SON: variants seen among roughly 807,000 people sequenced by gnomAD.
SON encodes SON DNA and RNA binding protein, also known as protein SON.
A neutral mutation model predicts 173.3 loss-of-function variants in SON; 4 were observed. The ratio of observed to expected loss-of-function variants is 0.02; its 90% confidence interval spans 0.01 to 0.05. SON has a LOEUF of 0.05. Ranked by LOEUF, SON falls within the 10% of genes least tolerant of loss-of-function variation. The pLI is 1.00. For synonymous variants in SON, 1,190 were observed against 1,105.9 expected, an observed-to-expected ratio of 1.08 and a Z score of -1.51; for missense variants, 2,626 against 3,055.3, an observed-to-expected ratio of 0.86 and a Z score of 3.31.
At chr21:33,547,527 A>T (rs1459441448) in intron 2 of SON, among the ~76,000 whole-genome samples, 1 of 151,650 alleles carries the variant, frequency 6.6e-6, no homozygotes, top group Admixed American at 6.6e-5. Context: ...TTTTGGGGGG[A>T]ACTTTAGCTG....
chr21:33,560,011 T>A (rs368311406), intron 6 of SON: 13 of 1,614,068 alleles, frequency 8.1e-6, no homozygotes, highest in Non-Finnish European at 1.1e-5. Flanking sequence ...CAGAGAACAG[T>A]GTTATCACAT....
intron 9 of SON, among the ~76,000 whole-genome samples, chr21:33,575,191 A>G (rs879691326): frequency 6.6e-6 from 1 of 151,792 alleles, no homozygotes; most frequent in African/African-American, 2.4e-5. Context: ...GCGCACCACC[A>G]CGCCCGGCTA....
chr21:33,576,238 T>C (rs2086397624), intron 11 of SON, 127 bp from the exon 12 acceptor site: 2 of 649,846 alleles, frequency 3.1e-6, no homozygotes, highest in African/African-American at 3.7e-5. Flanking sequence ...GTTGAGATTA[T>C]AATTTGACTT....
At chr21:33,571,727 C>T (rs558221357) in intron 8 of SON, 1 of 152,686 alleles carries the variant, frequency 6.5e-6, no homozygotes, top group Admixed American at 6.5e-5. Context: ...ATATTGTACT[C>T]TGCACAGTTG....
At position 33,543,182 on chromosome 21, in the gene SON, C is replaced by A; in HGVS notation, c.77+13C>A. 6.2e-7 allele frequency: 1 copy of A among 1,608,814 alleles called. No individual in the cohort carries two copies. Among genetic ancestry groups the A allele is most frequent in the Non-Finnish European group, 8.5e-7 (1 of 1,175,108 alleles). On this transcript the variant is annotated intron_variant, in intron 1 of 11. Transcript: ENST00000356577. ...AGGAGCTTTCCAGGTAAACGCCTCC[C>A]AGATTCTTCTGCTCCCAACGGACCG...
In SON at chr21:33,559,214, GT is replaced by G; in HGVS notation, c.6322-11del. The stretch of plus-strand genomic sequence containing the variant: ...AAAGCGTAAGATTTATCTTTTGTTT[GT>G]TTTTACTTTTAAAGAAATGTAAACA... On this transcript the variant is annotated splice_polypyrimidine_tract_variant and intron_variant, in intron 4 of 11. Transcript: ENST00000356577. This position sits in a 1 kb window ranked among gnomAD's most constrained non-coding sequence, Gnocchi z 4.1. 1 of 1,521,404 alleles carries G rather than the reference GT, an allele frequency of 6.6e-7. No homozygotes were observed. The highest frequency in any genetic ancestry group is 8.8e-7 in the Non-Finnish European group (1 of 1,133,566). The allele number at this position is 1,521,404 out of a possible 1,614,324, so 94.2% of individuals were successfully genotyped here.
At chr21:33,563,068 A>C (rs1467095904) in intron 6 of SON, among the ~76,000 whole-genome samples, 3 of 152,144 alleles carry the variant, frequency 2.0e-5, no homozygotes, top group Non-Finnish European at 2.9e-5. Context: ...ATAAGCTCTA[A>C]ATGTATAGGA....
Position 33,546,337 on chromosome 21 carries a change from G to A in SON, c.202G>A (p.Val68Ile). The change falls in exon 2 of 12, where the codon GTA becomes ATA. Residue 68 changes from valine (V) to isoleucine (I), a missense_variant. Coordinates refer to ENST00000356577, the MANE Select transcript of SON (RefSeq NM_138927.4). Reference sequence around the variant, plus strand: ...AGAAATAGTGCAGAAGATAGAGGAAGTACTTTCTGGGGTCTTAGATACAGA... The same window carrying A: ...AGAAATAGTGCAGAAGATAGAGGAAATACTTTCTGGGGTCTTAGATACAGA... ...NEEIVQKIEE[V>I]LSGVLDTELR... The A allele has an allele frequency of 6.2e-7, 1 of 1,612,842 alleles. No homozygotes were observed. Among genetic ancestry groups the A allele is most frequent in the Non-Finnish European group, 8.5e-7 (1 of 1,179,484 alleles).
chr21:33,568,688 CTT>C (rs1234804374), intron 7 of SON, among the ~76,000 whole-genome samples: 1 of 152,058 alleles, frequency 6.6e-6, no homozygotes, highest in African/African-American at 2.4e-5. Context: ...CATATGAGCT[CTT>C]TTTTGCATTT....
intron 8 of SON, among the ~76,000 whole-genome samples, chr21:33,571,204 T>C (rs1045223426): frequency 6.6e-5 from 10 of 152,178 alleles, no homozygotes; most frequent in African/African-American, 2.2e-4. Flanking sequence ...TGAAGAATAT[T>C]TGATGCTAGT....
intron 9 of SON, chr21:33,575,379 A>C: frequency 2.4e-6 from 1 of 424,424 alleles, no homozygotes; most frequent in Non-Finnish European, 4.2e-6. Flanking sequence ...TATTTATTAC[A>C]ATTTCTCATA....
chr21:33,564,201 G>C (rs1365863608), intron 6 of SON, among the ~76,000 whole-genome samples: 1 of 152,004 alleles, frequency 6.6e-6, no homozygotes, highest in African/African-American at 2.4e-5. Context: ...AATATTAAAC[G>C]ACAGTTAAGA....
rs1601259148 is a variant in SON, at chr21:33,550,374, G to A, written c.1143G>A (p.Met381Ile). ...ELQESSVASA[M>I]ELPGPPATSM... is the part of the protein sequence containing the mutation. The stretch of plus-strand genomic sequence containing the variant: ...AGGAGTCGTCGGTGGCCTCAGCGAT[G>A]GAGTTGCCGGGGCCACCTGCGACCT... The change falls in exon 3 of 12, where the codon ATG becomes ATA. Residue 381 changes from methionine (M) to isoleucine (I), a missense_variant. Met to Ile is a conservative substitution (Grantham distance 10). Around this residue, in one of 13 missense-constraint regions of SON, gnomAD observed 757 missense variants for 730.1 expected, o/e 1.04. Transcript: ENST00000356577. 8 of 1,614,000 alleles carry A rather than the reference G, an allele frequency of 5.0e-6. No individual in the cohort carries two copies. The East Asian group carries it at 1.3e-4, about 27-fold the overall frequency.
Position 33,554,371 on chromosome 21 carries a change from G to A in SON, c.5140G>A (p.Glu1714Lys). 6.2e-7 allele frequency: 1 copy of A among 1,614,168 alleles called. No individual in the cohort carries two copies. The highest frequency in any genetic ancestry group is 2.2e-5 in the East Asian group (1 of 44,880). ...GEKEVPPPPK[E>K]TLPDSGFSAN... ...AAAAGAAGTACCTCCCCCTCCTAAAGAGACACTGCCTGATTCAGGATTTTC... is the reference window on the plus strand; with the variant it reads ...AAAAGAAGTACCTCCCCCTCCTAAAAAGACACTGCCTGATTCAGGATTTTC... Residue 1714 changes from glutamate to lysine, a missense_variant, in exon 3 of 12, where the codon GAG becomes AAG. By Grantham distance (56) the Glu-to-Lys change is moderately conservative. Transcript: ENST00000356577.
intron 2 of SON, among the ~76,000 whole-genome samples, chr21:33,548,713 G>A (rs2085681720): frequency 6.6e-6 from 1 of 152,332 alleles, no homozygotes; most frequent in Non-Finnish European, 1.5e-5. Context: ...GTGGCAGTCT[G>A]TTCCAGAGCC....
Position 33,553,060 on chromosome 21 carries a change from C to A in SON, c.3829C>A (p.Pro1277Thr). 1 of 1,613,062 alleles carries A rather than the reference C, an allele frequency of 6.2e-7. No individual in the cohort carries two copies. Among genetic ancestry groups the A allele is most frequent in the Non-Finnish European group, 8.5e-7 (1 of 1,179,082 alleles). The change falls in exon 3 of 12, where the codon CCA becomes ACA. Residue 1277 changes from proline (P) to threonine (T), a missense_variant. Physicochemically the swap from Pro to Thr is conservative, Grantham distance 38. Transcript: ENST00000356577. ...AVVAEEHEVV[P>T]ERPVTCMVSE... ...AGTAGCAGAAGAACATGAAGTTGTTCCAGAGAGACCAGTGACTTGTATGGT... is the reference window on the plus strand; with the variant it reads ...AGTAGCAGAAGAACATGAAGTTGTTACAGAGAGACCAGTGACTTGTATGGT...
intron 3 of SON, among the ~76,000 whole-genome samples, chr21:33,555,692 C>T (rs1055069876): frequency 6.6e-6 from 1 of 152,160 alleles, no homozygotes; most frequent in Non-Finnish European, 1.5e-5. Flanking sequence ...AGATGTAGAA[C>T]TCTAGCTAAA....
chr21:33,543,327 C>T (rs1415616558), intron 1 of SON, 158 bp downstream of exon 1: 263 of 648,252 alleles, frequency 4.1e-4, no homozygotes, highest in Non-Finnish European at 6.0e-4. Flanking sequence ...CCCCCAACCG[C>T]CCCCCCAGCC....
chr21:33,575,730 A>G, intron 10 of SON, 48 bp from the exon 11 acceptor site: 1 of 1,572,780 alleles, frequency 6.4e-7, no homozygotes, highest in Non-Finnish European at 8.7e-7. Flanking sequence ...TATTTGTTGC[A>G]GAAGTTGGTG....
Sources: allele counts gnomAD v4.1 joint callset (sites outside exome capture counted in the v4.1 genomes callset), GRCh38; gene constraint gnomAD v4.1.1; regional missense constraint gnomAD v4.1.1; non-coding constraint Gnocchi (gnomAD v3.1); transcripts MANE v1.5; gene names NCBI Gene and HGNC (gene_info 2026-07-23, HGNC 2026-07-21).